The following RIPOR3 variants were observed in gnomAD, a reference collection of about 807,000 sequenced individuals.
RIPOR3 encodes the protein family with sequence similarity 65 member C.
In RIPOR3, 95 loss-of-function variants were observed where a neutral mutation model predicts 114.3. The ratio of observed to expected loss-of-function variants is 0.83; its 90% CI spans 0.70 to 0.99. The LOEUF (loss-of-function observed/expected upper bound fraction) is 0.99, where lower values mean the gene tolerates loss of function less well. Ranked by LOEUF, RIPOR3 falls within the 50% of genes least tolerant of loss-of-function variation. The pLI, the probability that RIPOR3 is intolerant of heterozygous loss-of-function variation, is 0.00. For missense variants in RIPOR3, 1,252 were observed against 1,266.9 expected (o/e 0.99, Z 0.18); for synonymous variants, 575 against 543.8 (o/e 1.06, Z -0.80).
rs143836495 is a variant in RIPOR3 at position 50,683,127 on chromosome 20, G to A, written c.3+7999C>T. On this transcript the variant is annotated intron_variant, in intron 1 of 21. Coordinates refer to ENST00000327979, the MANE Select transcript of RIPOR3 (RefSeq NM_001290268.2). Reference sequence around the variant, plus strand: ...CAACATTGTGAATGTGCGTAATGCCGCTGAATTGTACCCTTAAAATGGCTA... The same window carrying A: ...CAACATTGTGAATGTGCGTAATGCCACTGAATTGTACCCTTAAAATGGCTA... 5.3e-5 allele frequency among the ~76,000 whole-genome samples: 8 copies of A among 152,288 alleles called. No individual in the cohort carries two copies. In the East Asian group the frequency reaches 1.3e-3, roughly 26 times the overall value.
At chr20:50,594,914 G>T in intron 16 of RIPOR3, 200 bp from the exon 17 acceptor site, 1 of 572,904 alleles carries the variant, frequency 1.7e-6, no homozygotes, top group Non-Finnish European at 3.1e-6. Context: ...ACCACCTGCA[G>T]TCCCCACAAC....
intron 2 of RIPOR3, chr20:50,621,092 C>T (rs2084384546): frequency 2.7e-6 from 1 of 370,196 alleles, no homozygotes; most frequent in Non-Finnish European, 5.1e-6. Flanking sequence ...CCTCCCCTGC[C>T]CTCTCCCGGA....
intron 1 of RIPOR3, among the ~76,000 whole-genome samples, chr20:50,678,801 C>T (rs1177943352): frequency 6.6e-6 from 1 of 152,058 alleles, no homozygotes; most frequent in Non-Finnish European, 1.5e-5. Context: ...TCAATCCTTA[C>T]ATCACCCCAG....
At chr20:50,677,892 A>G (rs747296988) in intron 1 of RIPOR3, among the ~76,000 whole-genome samples, 30 of 148,784 alleles carry the variant, frequency 2.0e-4, no homozygotes, top group Non-Finnish European at 4.2e-4. Context: ...CTTGTCTTGA[A>G]CTCCTAACCT....
intron 1 of RIPOR3, among the ~76,000 whole-genome samples, chr20:50,639,707 A>G (rs1290770819): frequency 7.9e-5 from 12 of 152,242 alleles, no homozygotes; most frequent in Non-Finnish European, 1.6e-4. Flanking sequence ...AAATAAATAA[A>G]TACAATACAG....
At chr20:50,660,521 G>A (rs2085956745) in intron 1 of RIPOR3, among the ~76,000 whole-genome samples, 1 of 152,120 alleles carries the variant, frequency 6.6e-6, no homozygotes, top group Admixed American at 6.6e-5. Context: ...ACTCACTGGT[G>A]AGAGGGTAGC....
intron 12 of RIPOR3, among the ~76,000 whole-genome samples, chr20:50,603,116 T>C (rs2083566504): frequency 6.6e-6 from 1 of 152,230 alleles, no homozygotes. Context: ...ACAGTCCTTA[T>C]GCCCCTGGGG....
intron 8 of RIPOR3, 108 bp from the exon 9 acceptor site, chr20:50,609,063 G>T: frequency 6.9e-7 from 1 of 1,458,474 alleles, no homozygotes; most frequent in Non-Finnish European, 9.4e-7. Context: ...GTTTCAGTGG[G>T]GTGAGGATGG....
intron 2 of RIPOR3, among the ~76,000 whole-genome samples, chr20:50,627,010 G>T (rs113098463): frequency 0.27 from 37,031 of 136,736 alleles, 6,660 homozygotes; most frequent in African/African-American, 0.56. Flanking sequence ...GCAAAAGTCC[G>T]TCTCAAGAAA....
chr20:50,682,151 G>T (rs2086880638), intron 1 of RIPOR3, among the ~76,000 whole-genome samples: 1 of 152,150 alleles, frequency 6.6e-6, no homozygotes, highest in Non-Finnish European at 1.5e-5. Context: ...GCAGAACCGT[G>T]TATGTAGCAA....
intron 17 of RIPOR3, among the ~76,000 whole-genome samples, chr20:50,593,673 C>T (rs1212911633): frequency 6.6e-6 from 1 of 152,082 alleles, no homozygotes; most frequent in African/African-American, 2.4e-5. Flanking sequence ...AGGACTGTGA[C>T]TCCAACTCAC....
chr20:50,601,353 G>T (rs1268402540), intron 13 of RIPOR3, among the ~76,000 whole-genome samples: 7 of 152,200 alleles, frequency 4.6e-5, no homozygotes, highest in African/African-American at 1.7e-4. Context: ...AGAAATGCTT[G>T]AACCTGGGAG....
At chr20:50,601,761 T>C (rs1213100140) in intron 13 of RIPOR3, among the ~76,000 whole-genome samples, 2 of 152,156 alleles carry the variant, frequency 1.3e-5, no homozygotes, top group Non-Finnish European at 2.9e-5. Context: ...ACACTCCAAG[T>C]TTGGGTTTGT....
intron 4 of RIPOR3, among the ~76,000 whole-genome samples, chr20:50,613,453 G>GA (rs1421288114): frequency 1.3e-5 from 2 of 150,556 alleles, no homozygotes; most frequent in Admixed American, 6.6e-5. Flanking sequence ...AATCCATCCC[G>GA]AAAAAAAAGA....
Position 50,684,398 on chromosome 20 carries a change from G to A in RIPOR3, c.3+6728C>T, listed in dbSNP as rs928942660. 3.9e-5 allele frequency among the ~76,000 whole-genome samples: 6 copies of A among 152,194 alleles called. No homozygotes were observed. The East Asian group carries it at 9.6e-4, about 24-fold the overall frequency. On this transcript the variant is annotated intron_variant, in intron 1 of 21. Transcript: ENST00000327979. ...AAGGTCCTGGGGCAGGACTGTGCCC[G>A]ACCTCAAGAACAGCAATTGTGGGGA...
intron 20 of RIPOR3, 108 bp from the exon 21 acceptor site, chr20:50,588,000 C>CCAG: frequency 1.0e-6 from 1 of 981,108 alleles, no homozygotes; most frequent in Non-Finnish European, 1.5e-6. Flanking sequence ...TCTGGGGCCT[C>CCAG]AGCCCCTTCC....
In RIPOR3 at chr20:50,666,515, C is replaced by T. The variant is rs151308122; in HGVS notation, c.3+24611G>A. The stretch of plus-strand genomic sequence containing the variant: ...CTGGGATTACAGGCGTGAGTCACCA[C>T]GCCCAGCCTAGGACACCCATTTCTT... On this transcript the variant is annotated intron_variant, in intron 1 of 21. Transcript: ENST00000327979. Among the ~76,000 whole-genome samples, 110 of 151,398 alleles carry T rather than the reference C, an allele frequency of 7.3e-4. 2 individuals are homozygous for T. The East Asian group carries it at 0.01, about 14-fold the overall frequency.
At chr20:50,594,275 CAAAAA>C (rs35958484) in intron 17 of RIPOR3, among the ~76,000 whole-genome samples, 1 of 77,612 alleles carries the variant, frequency 1.3e-5, no homozygotes, top group Admixed American at 1.5e-4. Flanking sequence ...GACTCCATCT[CAAAAA>C]AAAAAAAAAA....
At chr20:50,592,206 C>G (rs190267843) in intron 19 of RIPOR3, 138 bp downstream of exon 19, 3 of 826,656 alleles carry the variant, frequency 3.6e-6, no homozygotes, top group Non-Finnish European at 5.3e-6. Context: ...AGATCGTAGC[C>G]CAGGTCCCTC....
Sources: gnomAD v4.1 joint callset for allele counts (sites outside exome capture counted in the v4.1 genomes callset) on GRCh38, gnomAD v4.1.1 for gene constraint, MANE v1.5 for transcripts, NCBI Gene and HGNC (gene_info 2026-07-23, HGNC 2026-07-21) for gene names.